TBC1D22A: variants seen among roughly 807,000 people sequenced by gnomAD.
TBC1D22A encodes TBC1 domain family member 22A.
A neutral mutation model predicts 60.2 loss-of-function variants in TBC1D22A; 38 were observed. The ratio of observed to expected loss-of-function variants is 0.63; its 90% CI spans 0.49 to 0.83. TBC1D22A has a LOEUF of 0.83. Ranked by LOEUF, TBC1D22A falls within the 40% of genes least tolerant of loss-of-function variation. TBC1D22A has a pLI of 0.00. For missense variants in TBC1D22A, 628 were observed against 701.0 expected (o/e 0.90, Z 1.18); for synonymous variants, 302 against 281.7 (o/e 1.07, Z -0.72).
At chr22:46,786,289 A>G (rs2084157308) in intron 1 of TBC1D22A, among the ~76,000 whole-genome samples, 1 of 152,098 alleles carries the variant, frequency 6.6e-6, no homozygotes, top group Admixed American at 6.6e-5. Context: ...TTTGTCCTTT[A>G]TGCTATTAAT....
At chr22:46,904,101 ATCT>A (rs1569199185) in intron 7 of TBC1D22A, among the ~76,000 whole-genome samples, 80 of 33,112 alleles carry the variant, frequency 2.4e-3, no homozygotes, top group African/African-American at 6.2e-3. Flanking sequence ...AATAAAATCT[ATCT>A]ATCTATCTAT....
At chr22:46,881,210 G>C (rs1395286769) in intron 5 of TBC1D22A, among the ~76,000 whole-genome samples, 1 of 152,212 alleles carries the variant, frequency 6.6e-6, no homozygotes, top group African/African-American at 2.4e-5. Context: ...TTCTGGAAGA[G>C]TAAAGCCTTG....
chr22:47,161,999 A>G (rs1428762707), intron 12 of TBC1D22A, among the ~76,000 whole-genome samples: 1 of 151,756 alleles, frequency 6.6e-6, no homozygotes, highest in African/African-American at 2.4e-5. Context: ...CGCTCCGGAC[A>G]CCTCTCCTGT....
chr22:46,905,825 A>G (rs1214947566), intron 7 of TBC1D22A, among the ~76,000 whole-genome samples: 1 of 152,198 alleles, frequency 6.6e-6, no homozygotes, highest in Middle Eastern at 3.2e-3. Context: ...TTCTGGGGGC[A>G]TGACCTTCCC....
chr22:47,150,504 G>T (rs1360007435), intron 12 of TBC1D22A, among the ~76,000 whole-genome samples: 1 of 152,240 alleles, frequency 6.6e-6, no homozygotes, highest in Non-Finnish European at 1.5e-5. Flanking sequence ...ACCTGAGGCG[G>T]TCTGGGTGGC....
intron 7 of TBC1D22A, among the ~76,000 whole-genome samples, chr22:46,903,280 C>T (rs1210376573): frequency 2.6e-5 from 4 of 152,160 alleles, no homozygotes; most frequent in African/African-American, 9.7e-5. Context: ...AGGGGCTCCC[C>T]TTCGAGAACC....
chr22:47,033,572 G>C (rs1032158570), intron 10 of TBC1D22A, among the ~76,000 whole-genome samples: 2 of 152,148 alleles, frequency 1.3e-5, no homozygotes, highest in African/African-American at 4.8e-5. Context: ...GGGTGGGCAG[G>C]CACCCTGAGC....
chr22:46,827,920 T>TA (rs2147136080), intron 4 of TBC1D22A, among the ~76,000 whole-genome samples: 1 of 152,346 alleles, frequency 6.6e-6, no homozygotes, highest in Admixed American at 6.5e-5. Flanking sequence ...TGTGCGGATA[T>TA]ATGGCATGGG....
chr22:46,846,536 T>C (rs1034685658), intron 4 of TBC1D22A, among the ~76,000 whole-genome samples: 10 of 152,178 alleles, frequency 6.6e-5, no homozygotes, highest in Non-Finnish European at 1.3e-4. Context: ...TCATCAATCA[T>C]TGTCATCAGG....
chr22:46,852,361 C>A (rs764401049), intron 4 of TBC1D22A, among the ~76,000 whole-genome samples: 2 of 152,280 alleles, frequency 1.3e-5, no homozygotes, highest in South Asian at 4.2e-4. Flanking sequence ...CTGCGTGTGC[C>A]CCCCTGTCTG....
rs371365907 is a variant in TBC1D22A at position 47,144,646 on chromosome 22, T to C, written c.1426-28852T>C. Among the ~76,000 whole-genome samples the C allele has an allele frequency of 3.9e-4, 60 of 152,342 alleles. 2 individuals are homozygous for C. The East Asian group carries it at 8.7e-3, about 22-fold the overall frequency. ...CTGGAGGCGCGTCGGTGTTACTGTC[T>C]CCAGTCAGCACTGGCGGGACTTCAC... On this transcript the variant is annotated intron_variant, in intron 12 of 12. Transcript: ENST00000337137.
chr22:47,134,349 G>A (rs927434644), intron 12 of TBC1D22A, among the ~76,000 whole-genome samples: 7 of 152,232 alleles, frequency 4.6e-5, no homozygotes, highest in African/African-American at 1.2e-4. Context: ...CAGGACACGC[G>A]AAAGAATCTT....
intron 5 of TBC1D22A, among the ~76,000 whole-genome samples, chr22:46,881,378 G>A (rs993544197): frequency 1.3e-5 from 2 of 152,190 alleles, no homozygotes; most frequent in African/African-American, 4.8e-5. Flanking sequence ...GATAGTAGAA[G>A]GCCTGCCTTT....
intron 11 of TBC1D22A, among the ~76,000 whole-genome samples, chr22:47,102,881 A>T (rs567816250): frequency 6.6e-6 from 1 of 152,356 alleles, no homozygotes; most frequent in Admixed American, 6.5e-5. Context: ...AACTTCCCAG[A>T]GTACTCCTGG....
At chr22:46,809,588 G>A (rs541686201) in intron 4 of TBC1D22A, among the ~76,000 whole-genome samples, 4 of 152,202 alleles carry the variant, frequency 2.6e-5, no homozygotes, top group South Asian at 2.1e-4. Context: ...TTAGCATCTC[G>A]GGGGTCAGGG....
chr22:46,962,333 A>G (rs969319643), intron 8 of TBC1D22A, among the ~76,000 whole-genome samples: 2 of 151,754 alleles, frequency 1.3e-5, no homozygotes, highest in Non-Finnish European at 3.0e-5. Context: ...TTACCTTGCC[A>G]GTGAGCAGAG....
At chr22:46,839,065 T>C (rs1472063846) in intron 4 of TBC1D22A, among the ~76,000 whole-genome samples, 1 of 152,198 alleles carries the variant, frequency 6.6e-6, no homozygotes, top group Non-Finnish European at 1.5e-5. Flanking sequence ...TAAAATTGTG[T>C]GCAGTTCGCA....
intron 7 of TBC1D22A, among the ~76,000 whole-genome samples, chr22:46,900,234 C>G (rs150486659): frequency 1.2e-3 from 179 of 151,888 alleles, no homozygotes; most frequent in African/African-American, 4.2e-3. Flanking sequence ...TCACTGCAAC[C>G]TCCGCCTCCT....
rs2083442381 is a variant in TBC1D22A at position 46,770,345 on chromosome 22, G to A, written c.62+7497G>A. On this transcript the variant is annotated intron_variant, in intron 1 of 12. Coordinates refer to ENST00000337137, the MANE Select transcript of TBC1D22A (RefSeq NM_014346.5). ...AGCAGGAAAGGGGTTCTCCCTTCGA[G>A]CCTCCCGGAAGGGGCACAGCTGGCT... Among the ~76,000 whole-genome samples the A allele has an allele frequency of 2.0e-5, 3 of 152,376 alleles. No homozygotes were observed. The South Asian group carries it at 6.2e-4, about 32-fold the overall frequency.
Sources: gnomAD v4.1 joint callset for allele counts (sites outside exome capture counted in the v4.1 genomes callset) on GRCh38, gnomAD v4.1.1 for gene constraint, MANE v1.5 for transcripts, NCBI Gene and HGNC (gene_info 2026-07-23, HGNC 2026-07-21) for gene names.